STK31: variants seen among roughly 807,000 people sequenced by gnomAD.
The protein encoded by STK31 is serine/threonine kinase 31.
Under a neutral mutation model 129.7 loss-of-function variants are expected in STK31, and 89 were observed. The ratio of observed to expected loss-of-function variants is 0.69; its 90% confidence interval spans 0.58 to 0.82. The LOEUF (loss-of-function observed/expected upper bound fraction) is 0.82. Among genes scored for constraint, STK31 ranks in the 40% least tolerant of loss-of-function variants. STK31 has a pLI of 0.00. For synonymous variants in STK31, 448 were observed against 395.3 expected, an observed-to-expected ratio of 1.13 and a Z score of -1.58; for missense variants, 1,187 against 1,176.4, an observed-to-expected ratio of 1.01 and a Z score of -0.13.
intron 11 of STK31, among the ~76,000 whole-genome samples, chr7:23,764,663 G>A (rs988844793): frequency 1.3e-5 from 2 of 152,096 alleles, no homozygotes; most frequent in Non-Finnish European, 2.9e-5. Flanking sequence ...GGTTGGTTCA[G>A]TATATCAGTC....
chr7:23,827,804 C>T lies in STK31; in HGVS notation c.2830-4332C>T, dbSNP rs1256529518. The stretch of plus-strand genomic sequence containing the variant: ...ATGTCCTTTCTGTTTGTTAGTTTTC[C>T]TTCTAACAGTCAGGACCCTCTGCTG... On this transcript the variant is annotated intron_variant, in intron 23 of 23. Coordinates refer to ENST00000355870, the MANE Select transcript of STK31 (RefSeq NM_031414.5). Among the ~76,000 whole-genome samples, 23 of 152,010 alleles carry T rather than the reference C, an allele frequency of 1.5e-4. 1 individual carries two copies. The highest frequency in any genetic ancestry group is 1.3e-3 in the Admixed American group (20 of 15,266).
In STK31 at chr7:23,713,615, T is replaced by A. The variant is rs545771074; in HGVS notation, c.150+1329T>A. Among the ~76,000 whole-genome samples, 3 of 152,314 alleles carry A rather than the reference T, an allele frequency of 2.0e-5. No homozygotes were observed. In the South Asian group the frequency reaches 6.2e-4, roughly 32 times the overall value. On this transcript the variant is annotated intron_variant, in intron 3 of 23. Transcript: ENST00000355870. ...CTTATTCTAAAGCTTTCTTCTCTTT[T>A]TAAACTTTTAATTTTTTTTTACTTT...
At chr7:23,784,676 C>T (rs563875650) in intron 17 of STK31, among the ~76,000 whole-genome samples, 35 of 150,876 alleles carry the variant, frequency 2.3e-4, no homozygotes, top group Middle Eastern at 3.5e-3. Flanking sequence ...TTAAATGTAC[C>T]GACAAGACTT....
chr7:23,778,481 C>A (rs763457441), intron 15 of STK31, among the ~76,000 whole-genome samples: 1 of 152,092 alleles, frequency 6.6e-6, no homozygotes, highest in Non-Finnish European at 1.5e-5. Context: ...ACCAGTCAAA[C>A]GTAGGTTTGG....
chr7:23,827,132 G>C (rs1794207654), intron 23 of STK31, among the ~76,000 whole-genome samples: 1 of 152,258 alleles, frequency 6.6e-6, no homozygotes, highest in African/African-American at 2.4e-5. Flanking sequence ...TCCTGAATTT[G>C]AATGTTGGCC....
At chr7:23,796,185 G>A in intron 22 of STK31, among the ~76,000 whole-genome samples, 1 of 152,080 alleles carries the variant, frequency 6.6e-6, no homozygotes, top group East Asian at 1.9e-4. Flanking sequence ...TTGAATTACG[G>A]GGTGGTTCCC....
intron 6 of STK31, 45 bp downstream of exon 6, chr7:23,729,294 A>G (rs781530840): frequency 4.0e-6 from 6 of 1,510,754 alleles, no homozygotes; most frequent in African/African-American, 2.8e-5. Flanking sequence ...AAGTAAAACT[A>G]TGTGCTTGAA....
intron 22 of STK31, among the ~76,000 whole-genome samples, chr7:23,797,704 A>G (rs1037802974): frequency 1.3e-5 from 2 of 152,334 alleles, no homozygotes; most frequent in South Asian, 4.1e-4. Flanking sequence ...TAAAAGATCT[A>G]CAGAAGCAAG....
intron 22 of STK31, among the ~76,000 whole-genome samples, chr7:23,799,907 A>T (rs943253868): frequency 1.3e-5 from 2 of 152,218 alleles, no homozygotes; most frequent in Non-Finnish European, 2.9e-5. Flanking sequence ...AAACAACCCC[A>T]TCAAAAAGTG....
intron 6 of STK31, among the ~76,000 whole-genome samples, chr7:23,730,146 C>G (rs891185734): frequency 6.6e-6 from 1 of 152,208 alleles, no homozygotes; most frequent in Middle Eastern, 3.4e-3. Flanking sequence ...ATCTGTTATA[C>G]AAAGATGATT....
chr7:23,787,840 T>C, intron 20 of STK31, 140 bp from the exon 21 acceptor site: 1 of 731,290 alleles, frequency 1.4e-6, no homozygotes, highest in South Asian at 3.6e-5. Context: ...ATCTGGTCTT[T>C]CTCTATGCTG....
intron 23 of STK31, among the ~76,000 whole-genome samples, chr7:23,822,380 T>C (rs1793835735): frequency 6.6e-6 from 1 of 152,150 alleles, no homozygotes; most frequent in Non-Finnish European, 1.5e-5. Context: ...CTAGGTAATA[T>C]ATTTATTTTG....
At chr7:23,795,152 C>T (rs772830510) in intron 22 of STK31, among the ~76,000 whole-genome samples, 3 of 152,154 alleles carry the variant, frequency 2.0e-5, no homozygotes, top group Non-Finnish European at 4.4e-5. Flanking sequence ...GGCACAGAGG[C>T]CTAGGAGGAA....
chr7:23,787,017 G>A, intron 20 of STK31, 93 bp downstream of exon 20: 4 of 1,271,838 alleles, frequency 3.1e-6, no homozygotes, highest in Non-Finnish European at 4.4e-6. Context: ...TATGTATTTT[G>A]TAAAATTTTG....
intron 8 of STK31, among the ~76,000 whole-genome samples, chr7:23,742,057 A>G (rs1788084275): frequency 6.6e-6 from 1 of 152,200 alleles, no homozygotes; most frequent in East Asian, 1.9e-4. Context: ...ACAGCAGCCC[A>G]TTGCAGGGCT....
intron 22 of STK31, among the ~76,000 whole-genome samples, chr7:23,800,997 A>T (rs967561695): frequency 6.6e-6 from 1 of 152,200 alleles, no homozygotes; most frequent in Non-Finnish European, 1.5e-5. Flanking sequence ...TGACTATTGC[A>T]GATAAAGCTA....
intron 22 of STK31, among the ~76,000 whole-genome samples, chr7:23,805,739 T>G (rs1347302706): frequency 6.6e-6 from 1 of 152,070 alleles, no homozygotes; most frequent in Non-Finnish European, 1.5e-5. Flanking sequence ...TCCACCTTTG[T>G]CTGCCAACAT....
chr7:23,752,779 A>G lies in STK31; in HGVS notation c.1080A>G (p.Ile360Met), dbSNP rs909749477. The G allele has an allele frequency of 1.2e-5, 20 of 1,613,690 alleles. No homozygotes were observed. Among genetic ancestry groups the G allele is most frequent in the Admixed American group, 6.7e-5 (4 of 59,954 alleles). Residue 360 changes from isoleucine (I) to methionine (M), a missense_variant, in exon 9 of 24, where the codon ATA becomes ATG. By Grantham distance (10) the Ile-to-Met change is conservative. Around this residue, in one of 5 missense-constraint regions of STK31, gnomAD observed 975 missense variants for 934.9 expected, o/e 1.04. Transcript: ENST00000355870. ...NHLEYTLKTY[I>M]DTRMKNLAAK... ...TAGAATACACTCTGAAGACCTATATAGATACCAGAATGAAAAATCTGGCAG... is the reference window on the plus strand; with the variant it reads ...TAGAATACACTCTGAAGACCTATATGGATACCAGAATGAAAAATCTGGCAG...
chr7:23,811,004 A>G (rs890687567), intron 22 of STK31: 1 of 154,712 alleles, frequency 6.5e-6, no homozygotes, highest in Admixed American at 6.6e-5. Flanking sequence ...CCTGTACTCC[A>G]GATAAATATG....
Sources: allele counts gnomAD v4.1 joint callset (sites outside exome capture counted in the v4.1 genomes callset), GRCh38; gene constraint gnomAD v4.1.1; regional missense constraint gnomAD v4.1.1; transcripts MANE v1.5; gene names NCBI Gene and HGNC (gene_info 2026-07-23, HGNC 2026-07-21).